TMEM120A: variants seen among roughly 807,000 people sequenced by gnomAD.
The protein encoded by TMEM120A is ion channel TACAN.
A neutral mutation model predicts 54.3 loss-of-function variants in TMEM120A; 45 were observed. That is an observed-to-expected ratio of 0.83 (90% CI 0.65 to 1.06). The LOEUF (loss-of-function observed/expected upper bound fraction) is 1.06. Ranked by LOEUF, TMEM120A falls within the 50% of genes least tolerant of loss-of-function variation. The pLI is 0.00. For synonymous variants in TMEM120A, 204 were observed against 178.5 expected (o/e 1.14, Z -1.14); for missense variants, 424 against 441.7 (o/e 0.96, Z 0.36).
Position 75,992,454 on chromosome 7 carries a change from G to T in TMEM120A, c.185C>A (p.Ala62Asp). Residue 62 changes from alanine to aspartate, a missense_variant, in exon 2 of 12, where the codon GCC (alanine) becomes GAC (aspartate). Coordinates refer to ENST00000493111, the MANE Select transcript of TMEM120A (RefSeq NM_031925.3). ...TRQKKRLQEL[A>D]LALKKCKPSL... ...GGATCCTAACTTCTTCAGGGCGAGG[G>T]CCAGCTCCTGGAGCCGCTTCTTCTG... The T allele has an allele frequency of 6.3e-7, 1 of 1,593,948 alleles. No homozygotes were observed. Among genetic ancestry groups the T allele is most frequent in the Non-Finnish European group, 8.5e-7 (1 of 1,170,750 alleles).
In TMEM120A at chr7:75,987,978, G is replaced by C. The variant is rs782491183; in HGVS notation, c.636C>G (p.Asp212Glu). ...TCCGGAATTTCTGGTACATGAGACCGTCGGGCCTAAGGTAAAAAGTGGAGG... is the reference window on the plus strand; with the variant it reads ...TCCGGAATTTCTGGTACATGAGACCCTCGGGCCTAAGGTAAAAAGTGGAGG... ...FLSGVMLTWP[D>E]GLMYQKFRNQ... is the part of the protein sequence containing the mutation. Residue 212 changes from aspartate to glutamate, a missense_variant, in exon 8 of 12, where the codon GAC (aspartate) becomes GAG (glutamate). Coordinates refer to ENST00000493111, the MANE Select transcript of TMEM120A (RefSeq NM_031925.3). 1.2e-6 allele frequency: 2 copies of C among 1,600,160 alleles called. No individual in the cohort carries two copies. Among genetic ancestry groups the C allele is most frequent in the Non-Finnish European group, 1.7e-6 (2 of 1,173,988 alleles).
Position 75,989,154 on chromosome 7 carries a change from G to A in TMEM120A, c.377+11C>T, listed in dbSNP as rs373173430. 159 of 1,333,658 alleles carry A rather than the reference G, an allele frequency of 1.2e-4. No homozygotes were observed. In the Admixed American group the frequency reaches 1.6e-3, roughly 14 times the overall value. The allele number at this position is 1,333,658 out of a possible 1,614,324, so 82.6% of individuals were successfully genotyped here. ...GGTGGAGGTTGGGGGGTGGAGGCTCGGCCTGATTACTTAGCCTGCTTGCTC... is the reference window on the plus strand; with the variant it reads ...GGTGGAGGTTGGGGGGTGGAGGCTCAGCCTGATTACTTAGCCTGCTTGCTC... On this transcript the variant is annotated intron_variant, in intron 4 of 11. Transcript: ENST00000493111.
chr7:75,992,891 C>G (rs1554562200), intron 1 of TMEM120A, among the ~76,000 whole-genome samples: 1 of 152,204 alleles, frequency 6.6e-6, no homozygotes, highest in East Asian at 1.9e-4. Context: ...CAACCTCCGC[C>G]TCCCGGGTTC....
chr7:75,992,257 G>C lies in TMEM120A; in HGVS notation c.204C>G (p.Cys68Trp), dbSNP rs782361216. 1.3e-5 allele frequency: 21 copies of C among 1,604,222 alleles called. No individual in the cohort carries two copies. The highest frequency in any genetic ancestry group is 1.6e-5 in the Non-Finnish European group (19 of 1,175,368). ...CGGCCTCTGCTGGGAGGGAGGGTTTGCATCTGCGGGTAAGGCCAGAAACAG... is the reference window on the plus strand; with the variant it reads ...CGGCCTCTGCTGGGAGGGAGGGTTTCCATCTGCGGGTAAGGCCAGAAACAG... ...LQELALALKK[C>W]KPSLPAEAEG... Residue 68 changes from cysteine (C) to tryptophan (W), a missense_variant, in exon 3 of 12, where the codon TGC becomes TGG. Coordinates refer to ENST00000493111, the MANE Select transcript of TMEM120A (RefSeq NM_031925.3).
intron 3 of TMEM120A, among the ~76,000 whole-genome samples, 176 bp downstream of exon 3, chr7:75,991,968 T>C (rs533050924): frequency 3.3e-5 from 5 of 152,188 alleles, no homozygotes; most frequent in Non-Finnish European, 7.3e-5. Context: ...AAAGCACCTA[T>C]CACAGTGAAA....
In TMEM120A at chr7:75,992,579, C is replaced by CT. The variant is rs567344767; in HGVS notation, c.82-23dup. The CT allele has an allele frequency of 4.0e-4, 621 of 1,536,218 alleles. 2 individuals are homozygous for CT. In the African/African-American group the frequency reaches 7.8e-3, roughly 19 times the overall value. On this transcript the variant is annotated intron_variant, in intron 1 of 11. Coordinates refer to ENST00000493111, the MANE Select transcript of TMEM120A (RefSeq NM_031925.3). ...TCTCCTGGGGGCCGGAGGGGAGAGG[C>CT]TCAGGCCAGTTGGGGAGCTACTGAG...
At chr7:75,993,504 G>A (rs1163573062) in intron 1 of TMEM120A, among the ~76,000 whole-genome samples, 3 of 152,256 alleles carry the variant, frequency 2.0e-5, no homozygotes, top group Non-Finnish European at 4.4e-5. Context: ...AGGGGCTGTG[G>A]CCAGGACAGC....
Position 75,987,619 on chromosome 7 carries a change from C to T in TMEM120A, c.785-17G>A. The stretch of plus-strand genomic sequence containing the variant: ...GGAAGCCCTCTGCGGGGAGGAAGGT[C>T]AGGGCACAGGACGGCCAGGGACAGA... On this transcript the variant is annotated splice_polypyrimidine_tract_variant and intron_variant, in intron 9 of 11. Transcript: ENST00000493111. 1 of 1,606,928 alleles carries T rather than the reference C, an allele frequency of 6.2e-7. No individual in the cohort carries two copies. The highest frequency in any genetic ancestry group is 1.3e-5 in the African/African-American group (1 of 74,928).
rs1563440073 is a variant in TMEM120A at position 75,988,162 on chromosome 7, C to T, written c.564-14G>A. On this transcript the variant is annotated splice_polypyrimidine_tract_variant and intron_variant, in intron 6 of 11. Coordinates refer to ENST00000493111, the MANE Select transcript of TMEM120A (RefSeq NM_031925.3). ...CAGCCTTTGATCCTGGAGCAGAGAG[C>T]CACCATCACCCCCAGCGCCTGTTCC... The T allele has an allele frequency of 1.9e-6, 3 of 1,610,576 alleles. No homozygotes were observed. Among genetic ancestry groups the T allele is most frequent in the Non-Finnish European group, 1.7e-6 (2 of 1,179,164 alleles).
intron 4 of TMEM120A, 110 bp from the exon 5 acceptor site, chr7:75,988,626 G>GT: frequency 2.4e-6 from 1 of 424,612 alleles, no homozygotes; most frequent in South Asian, 1.8e-5. Flanking sequence ...AGAAGGCCGG[G>GT]TTGGGGGGTG....
intron 3 of TMEM120A, among the ~76,000 whole-genome samples, chr7:75,989,896 C>T: frequency 6.6e-6 from 1 of 150,602 alleles, no homozygotes; most frequent in Non-Finnish European, 1.5e-5. Flanking sequence ...CACCCACCAA[C>T]TGAGATCATC....
In TMEM120A at chr7:75,987,716, A is replaced by G. The variant is rs782745160; in HGVS notation, c.784+2T>C. ...CAGATGCCAGGGCCACTCCCGACTC[A>G]CCCACAGTGAGGTCCATGGTGTGCC... is the stretch of plus-strand genomic sequence containing the variant. On this transcript the variant is annotated splice_donor_variant, in intron 9 of 11. Transcript: ENST00000493111. LOFTEE classifies it high-confidence loss of function. 6.8e-6 allele frequency: 11 copies of G among 1,612,188 alleles called. No homozygotes were observed. The highest frequency in any genetic ancestry group is 9.3e-6 in the Non-Finnish European group (11 of 1,179,702).
intron 2 of TMEM120A, 82 bp downstream of exon 2, chr7:75,992,357 G>A: frequency 5.2e-6 from 8 of 1,548,478 alleles, no homozygotes; most frequent in Non-Finnish European, 7.1e-6. Flanking sequence ...CCAGAGAGGG[G>A]AGGGGCGGTG....
intron 1 of TMEM120A, 80 bp downstream of exon 1, chr7:75,994,410 G>A: frequency 1.5e-6 from 2 of 1,345,798 alleles, no homozygotes; most frequent in Admixed American, 2.0e-5. Flanking sequence ...CCCACTGCCT[G>A]ACCCAGGGCT....
chr7:75,988,031 T>C (rs1789612186), intron 7 of TMEM120A, 47 bp from the exon 8 acceptor site: 29 of 1,594,532 alleles, frequency 1.8e-5, no homozygotes, highest in Non-Finnish European at 2.3e-5. Context: ...GGGGATGCCG[T>C]GTATCCCCTC....
chr7:75,993,794 G>A (rs1789934837), intron 1 of TMEM120A, among the ~76,000 whole-genome samples: 1 of 152,170 alleles, frequency 6.6e-6, no homozygotes, highest in African/African-American at 2.4e-5. Context: ...CTGCCTGGAT[G>A]AGGCCAACAG....
chr7:75,990,276 G>A (rs570154614), intron 3 of TMEM120A, among the ~76,000 whole-genome samples: 2 of 152,260 alleles, frequency 1.3e-5, no homozygotes, highest in African/African-American at 4.8e-5. Context: ...CAACACTGCA[G>A]AGAAGACAGC....
intron 3 of TMEM120A, among the ~76,000 whole-genome samples, chr7:75,989,949 G>A (rs1456728221): frequency 6.6e-6 from 1 of 152,172 alleles, no homozygotes. Flanking sequence ...TGACAGCAAA[G>A]TCACGGTCAC....
intron 4 of TMEM120A, 100 bp from the exon 5 acceptor site, chr7:75,988,616 A>G (rs182523506): frequency 0.022 from 9,521 of 425,284 alleles, 137 homozygotes; most frequent in East Asian, 0.091. Context: ...CGGATGGAGG[A>G]GAAGGCCGGG....
Sources: gnomAD v4.1 joint callset for allele counts (sites outside exome capture counted in the v4.1 genomes callset) on GRCh38, gnomAD v4.1.1 for gene constraint, MANE v1.5 for transcripts, NCBI Gene and HGNC (gene_info 2026-07-23, HGNC 2026-07-21) for gene names.